The following PIP5K1B variants were observed in gnomAD, a reference collection of about 807,000 sequenced individuals.
PIP5K1B encodes phosphatidylinositol-4-phosphate 5-kinase type 1 beta.
Under a neutral mutation model 67.0 loss-of-function variants are expected in PIP5K1B, and 42 were observed. The observed-to-expected ratio is 0.63, with a 90% CI of 0.49 to 0.81. The LOEUF is 0.81. Ranked by LOEUF, PIP5K1B falls within the 30% of genes least tolerant of loss-of-function variation. The probability of loss-of-function intolerance (pLI) is 0.00; values close to 1 mark genes in which losing one functional copy is unlikely to be tolerated. For synonymous variants in PIP5K1B, 214 were observed against 231.4 expected, an observed-to-expected ratio of 0.92 and a Z score of 0.68; for missense variants, 459 against 646.3, an observed-to-expected ratio of 0.71 and a Z score of 3.14.
chr9:68,712,927 T>A (rs1827460027), intron 1 of PIP5K1B, among the ~76,000 whole-genome samples: 1 of 152,212 alleles, frequency 6.6e-6, no homozygotes, highest in Admixed American at 6.5e-5. Flanking sequence ...TAAGACACTT[T>A]GGTGTTCATA....
At chr9:68,930,482 A>G (rs1038216841) in intron 12 of PIP5K1B, among the ~76,000 whole-genome samples, 2 of 152,148 alleles carry the variant, frequency 1.3e-5, no homozygotes, top group African/African-American at 4.8e-5. Context: ...ACCCACGTGC[A>G]GTTACTCAGC....
At chr9:68,758,668 A>G (rs527913941) in intron 2 of PIP5K1B, among the ~76,000 whole-genome samples, 54 of 152,194 alleles carry the variant, frequency 3.5e-4, no homozygotes, top group South Asian at 8.3e-4. Context: ...GAACCCCAGG[A>G]AAAGAGAGGA....
intron 14 of PIP5K1B, among the ~76,000 whole-genome samples, chr9:68,955,102 T>C (rs1828317071): frequency 6.6e-6 from 1 of 152,250 alleles, no homozygotes; most frequent in South Asian, 2.1e-4. Context: ...TGGAGCTGTG[T>C]ATGATGCCTG....
rs1831147572 is a variant in PIP5K1B, at chr9:68,780,014, C to T, written c.-86+37357C>T. On this transcript the variant is annotated intron_variant, in intron 2 of 15. Coordinates refer to ENST00000265382, the MANE Select transcript of PIP5K1B (RefSeq NM_003558.4). ...GCAGGCGCCGCGAGTACGGACATCGCGAGCGCCTGCGCGAAGGGCTACGCA... is the reference window on the plus strand; with the variant it reads ...GCAGGCGCCGCGAGTACGGACATCGTGAGCGCCTGCGCGAAGGGCTACGCA... The T allele has an allele frequency of 3.8e-6, 4 of 1,050,618 alleles. No homozygotes were observed. The African/African-American group carries it at 5.0e-5, about 13-fold the overall frequency. 65.1% of individuals were successfully genotyped at this position (1,050,618 alleles called of 1,614,324 possible).
chr9:68,978,124 G>A (rs1472258954), intron 14 of PIP5K1B, among the ~76,000 whole-genome samples: 4 of 152,044 alleles, frequency 2.6e-5, no homozygotes, highest in South Asian at 2.1e-4. Flanking sequence ...ATCACCTCAC[G>A]TGGTTATATC....
chr9:68,758,060 G>A (rs76503787), intron 2 of PIP5K1B, among the ~76,000 whole-genome samples: 1,528 of 152,270 alleles, frequency 0.01, 24 homozygotes, highest in African/African-American at 0.034. Flanking sequence ...CTAAACTGAT[G>A]TTGGAAACGT....
chr9:68,761,744 TAAAAG>T (rs2053179135), intron 2 of PIP5K1B, among the ~76,000 whole-genome samples: 1 of 152,102 alleles, frequency 6.6e-6, no homozygotes, highest in Admixed American at 6.6e-5. Context: ...GCCTCCCTCT[TAAAAG>T]AACCCTTGTG....
rs1370924259 is a variant in PIP5K1B, at chr9:68,894,529, C to T, written c.662C>T (p.Ser221Phe). The change falls in exon 8 of 16, where the codon TCC (serine) becomes TTC (phenylalanine). Residue 221 changes from serine (S) to phenylalanine (F), a missense_variant. Around this residue, in one of 2 missense-constraint regions of PIP5K1B, gnomAD observed 290 missense variants for 474.4 expected, o/e 0.61. Coordinates refer to ENST00000265382, the MANE Select transcript of PIP5K1B (RefSeq NM_003558.4). ...RRASRKEREK[S>F]NPTFKDLDFL... ...GCATCCCGTAAAGAGAGAGAGAAAT[C>T]CAACCCCACATTTAAGGACTTAGAT... is the stretch of plus-strand genomic sequence containing the variant. 1 of 1,613,926 alleles carries T rather than the reference C, an allele frequency of 6.2e-7. No individual in the cohort carries two copies. The highest frequency in any genetic ancestry group is 8.5e-7 in the Non-Finnish European group (1 of 1,179,932).
chr9:68,979,604 C>A (rs1829799406), intron 14 of PIP5K1B, among the ~76,000 whole-genome samples: 1 of 130,520 alleles, frequency 7.7e-6, no homozygotes. Flanking sequence ...TGAGGCTGCT[C>A]ATGGCAGGAG....
chr9:68,928,890 C>T (rs573098054), intron 12 of PIP5K1B, among the ~76,000 whole-genome samples: 4 of 152,120 alleles, frequency 2.6e-5, no homozygotes, highest in Non-Finnish European at 5.9e-5. Context: ...GCTAGCTGGG[C>T]ACGGTGGCTC....
At chr9:68,944,295 T>C (rs748250273) in intron 14 of PIP5K1B, among the ~76,000 whole-genome samples, 20 of 152,226 alleles carry the variant, frequency 1.3e-4, no homozygotes, top group Non-Finnish European at 2.9e-4. Flanking sequence ...CACTAAGAAA[T>C]ATAGAGGCAA....
intron 4 of PIP5K1B, chr9:68,843,195 C>T (rs1822006188): frequency 6.6e-6 from 1 of 152,214 alleles, no homozygotes; most frequent in Non-Finnish European, 1.5e-5. Flanking sequence ...CAAGCAGCCC[C>T]AGTCAGGGAA....
At chr9:68,715,426 A>G (rs1347158940) in intron 1 of PIP5K1B, among the ~76,000 whole-genome samples, 5 of 152,170 alleles carry the variant, frequency 3.3e-5, no homozygotes, top group Non-Finnish European at 5.9e-5. Flanking sequence ...TGCAACTGCC[A>G]GCTTCACACC....
intron 15 of PIP5K1B, among the ~76,000 whole-genome samples, chr9:69,007,916 A>G (rs1831165346): frequency 1.3e-5 from 2 of 152,120 alleles, no homozygotes; most frequent in South Asian, 4.2e-4. Context: ...CTAAAGGCTG[A>G]ATATAATATT....
intron 14 of PIP5K1B, chr9:68,941,033 T>C (rs1379634731): frequency 1.6e-6 from 1 of 606,102 alleles, no homozygotes; most frequent in Non-Finnish European, 3.1e-6. Context: ...CTTGGCTCAA[T>C]GGAAGAAGAC....
rs371833194 is a variant in PIP5K1B at position 69,008,459 on chromosome 9, G to A, written c.*10G>A. 1 of 1,613,714 alleles carries A rather than the reference G, an allele frequency of 6.2e-7. No homozygotes were observed. The highest frequency in any genetic ancestry group is 8.5e-7 in the Non-Finnish European group (1 of 1,179,648). The stretch of plus-strand genomic sequence containing the variant: ...TTGCTCCCCCCAGTAAGTGAAAATG[G>A]TGATCACCTAAGCACATGGATGAGA... On this transcript the variant is annotated 3_prime_UTR_variant, in exon 16 of 16. Coordinates refer to ENST00000265382, the MANE Select transcript of PIP5K1B (RefSeq NM_003558.4).
Position 68,877,260 on chromosome 9 carries a change from AC to A in PIP5K1B, c.318+467del, listed in dbSNP as rs1387475714. Reference sequence around the variant, plus strand: ...TTGTTCTCAAGATCTCTTCAGGCAGACTTTTTAAACATATTTTTAGTTGGTA... The same window carrying A: ...TTGTTCTCAAGATCTCTTCAGGCAGATTTTTAAACATATTTTTAGTTGGTA... On this transcript the variant is annotated intron_variant, in intron 6 of 15. Coordinates refer to ENST00000265382, the MANE Select transcript of PIP5K1B (RefSeq NM_003558.4). 3.3e-5 allele frequency among the ~76,000 whole-genome samples: 5 copies of A among 152,198 alleles called. No homozygotes were observed. In the East Asian group the frequency reaches 9.6e-4, roughly 29 times the overall value.
rs887254910 is a variant in PIP5K1B at position 68,879,033 on chromosome 9, G to C, written c.318+2239G>C. Among the ~76,000 whole-genome samples the C allele has an allele frequency of 4.6e-5, 7 of 152,190 alleles. No homozygotes were observed. In the East Asian group the frequency reaches 1.3e-3, roughly 29 times the overall value. On this transcript the variant is annotated intron_variant, in intron 6 of 15. Transcript: ENST00000265382. ...ACATTATTAACATTATTAAGAGATA[G>C]GTCCAGGCAACTCAAATAAACAAGC... is the stretch of plus-strand genomic sequence containing the variant.
chr9:68,794,696 T>TA (rs34317692), intron 2 of PIP5K1B, among the ~76,000 whole-genome samples: 6,928 of 144,774 alleles, frequency 0.048, 283 homozygotes, highest in East Asian at 0.24. Flanking sequence ...TGCTGTAAAT[T>TA]AAAAAAAAAA....
Sources: gnomAD v4.1 joint callset for allele counts (sites outside exome capture counted in the v4.1 genomes callset) on GRCh38, gnomAD v4.1.1 for gene constraint, gnomAD v4.1.1 regional missense constraint, MANE v1.5 for transcripts, NCBI Gene and HGNC (gene_info 2026-07-23, HGNC 2026-07-21) for gene names.